Variants in ADAM23 observed in about 807,000 individuals in gnomAD.
The protein encoded by ADAM23 is disintegrin and metalloproteinase domain-containing protein 23.
A neutral mutation model predicts 120.1 loss-of-function variants in ADAM23; 33 were observed. That is an observed-to-expected ratio of 0.27 (90% CI 0.21 to 0.37). The LOEUF is 0.37. Ranked by LOEUF, ADAM23 falls within the 10% of genes least tolerant of loss-of-function variation. The probability of loss-of-function intolerance (pLI) is 1.00; values close to 1 mark genes in which losing one functional copy is unlikely to be tolerated. For missense variants in ADAM23, 862 were observed against 1,058.2 expected (o/e 0.81, Z 2.57); for synonymous variants, 367 against 375.2 (o/e 0.98, Z 0.25).
chr2:206,443,904 T>A lies in ADAM23; in HGVS notation c.38T>A (p.Leu13Gln). The A allele has an allele frequency of 8.4e-7, 1 of 1,193,538 alleles. No individual in the cohort carries two copies. The highest frequency in any genetic ancestry group is 1.6e-5 in the African/African-American group (1 of 62,310). 73.9% of individuals were successfully genotyped at this position (1,193,538 alleles called of 1,614,324 possible). The change falls in exon 1 of 26, where the codon CTG (leucine) becomes CAG (glutamine). Residue 13 changes from leucine (L) to glutamine (Q), a missense_variant. Leu to Gln is a moderately radical substitution (Grantham distance 113, BLOSUM62 -2). Around this residue, in one of 4 missense-constraint regions of ADAM23, gnomAD observed 225 missense variants for 204.0 expected, o/e 1.10. Coordinates refer to ENST00000264377, the MANE Select transcript of ADAM23 (RefSeq NM_003812.4). ...PPGSSSRQPPLAGCSLAGASC... is the reference protein window; with the variant it reads ...PPGSSSRQPPQAGCSLAGASC... ...GGCAGCAGCTCGCGGCAGCCGCCCC[T>A]GGCGGGCTGCAGCCTTGCCGGCGCT...
intron 21 of ADAM23, among the ~76,000 whole-genome samples, chr2:206,591,450 G>T (rs1273814092): frequency 6.6e-6 from 1 of 152,116 alleles, no homozygotes; most frequent in Non-Finnish European, 1.5e-5. Flanking sequence ...GTTTTCTGTG[G>T]TGTGTATAGC....
Position 206,552,598 on chromosome 2 carries a change from G to A in ADAM23, c.933+2438G>A, listed in dbSNP as rs186894678. ...TTCTGTGATAGAGTTCCTTATTTAG[G>A]CTATCAAATCTTTTAAGGGTAAATT... On this transcript the variant is annotated intron_variant, in intron 9 of 25. Transcript: ENST00000264377. Among the ~76,000 whole-genome samples, 74 of 151,868 alleles carry A rather than the reference G, an allele frequency of 4.9e-4. 2 individuals carry two copies. Among genetic ancestry groups the A allele is most frequent in the Middle Eastern group, 3.4e-3 (1 of 294 alleles).
At chr2:206,565,912 C>T (rs1395852340) in intron 14 of ADAM23, among the ~76,000 whole-genome samples, 1 of 152,132 alleles carries the variant, frequency 6.6e-6, no homozygotes, top group Non-Finnish European at 1.5e-5. Context: ...AGTCCAACTC[C>T]TGGGGAGGAG....
At chr2:206,534,814 T>G (rs1234201081) in intron 4 of ADAM23, among the ~76,000 whole-genome samples, 1 of 152,138 alleles carries the variant, frequency 6.6e-6, no homozygotes, top group African/African-American at 2.4e-5. Flanking sequence ...TTACTATCAT[T>G]ATTAGGTGGG....
intron 3 of ADAM23, among the ~76,000 whole-genome samples, chr2:206,529,105 T>C (rs16838306): frequency 0.18 from 27,736 of 152,080 alleles, 2,974 homozygotes; most frequent in African/African-American, 0.3. Context: ...AAAATAAAAA[T>C]AGTGACTGCC....
At chr2:206,532,754 T>C (rs1313030023) in intron 4 of ADAM23, among the ~76,000 whole-genome samples, 3 of 152,148 alleles carry the variant, frequency 2.0e-5, no homozygotes, top group Non-Finnish European at 2.9e-5. Context: ...TTTCATAATA[T>C]TATTTCTAAT....
At chr2:206,587,863 T>C (rs1211215820) in intron 19 of ADAM23, among the ~76,000 whole-genome samples, 1 of 152,248 alleles carries the variant, frequency 6.6e-6, no homozygotes, top group Non-Finnish European at 1.5e-5. Flanking sequence ...TTTCAAATTG[T>C]AGATGTTTAG....
intron 2 of ADAM23, among the ~76,000 whole-genome samples, chr2:206,472,124 A>G (rs1162375358): frequency 1.3e-5 from 2 of 152,196 alleles, no homozygotes; most frequent in Non-Finnish European, 2.9e-5. Context: ...TTGCTAAATA[A>G]TCACTAGGGA....
At chr2:206,500,790 G>C (rs1340518884) in intron 3 of ADAM23, among the ~76,000 whole-genome samples, 1 of 152,152 alleles carries the variant, frequency 6.6e-6, no homozygotes, top group African/African-American at 2.4e-5. Context: ...CACCGTTGAT[G>C]AATCACCCTC....
chr2:206,491,056 A>G (rs1574494546), intron 3 of ADAM23, among the ~76,000 whole-genome samples: 2 of 152,194 alleles, frequency 1.3e-5, no homozygotes, highest in South Asian at 4.1e-4. Context: ...ATCACAACCA[A>G]ACCATTGATA....
At chr2:206,536,163 A>G (rs953341631) in intron 4 of ADAM23, among the ~76,000 whole-genome samples, 4 of 152,146 alleles carry the variant, frequency 2.6e-5, no homozygotes, top group African/African-American at 7.2e-5. Flanking sequence ...AGGTCTACCC[A>G]TATTTGGCAA....
chr2:206,456,293 A>G (rs548884055), intron 2 of ADAM23, among the ~76,000 whole-genome samples: 4 of 152,110 alleles, frequency 2.6e-5, no homozygotes, highest in Admixed American at 6.5e-5. Flanking sequence ...ATCAGCTCTC[A>G]TGAGAACTCA....
chr2:206,562,356 G>T, intron 13 of ADAM23, 63 bp downstream of exon 13: 2 of 1,149,764 alleles, frequency 1.7e-6, no homozygotes, highest in Non-Finnish European at 1.3e-6. Context: ...TGCATGTCCA[G>T]TCAATAAATA....
chr2:206,461,063 C>CTTTT (rs565925215), intron 2 of ADAM23, among the ~76,000 whole-genome samples: 8 of 137,078 alleles, frequency 5.8e-5, no homozygotes, highest in Non-Finnish European at 7.9e-5. Context: ...TTTTCTTCTT[C>CTTTT]TTTTTTTTTT....
At position 206,504,203 on chromosome 2, in the gene ADAM23, AT is replaced by A. The variant is rs3836085; in HGVS notation, c.509+22902del. Among the ~76,000 whole-genome samples, 31 of 152,218 alleles carry A rather than the reference AT, an allele frequency of 2.0e-4. No homozygotes were observed. The South Asian group carries it at 5.6e-3, about 27-fold the overall frequency. On this transcript the variant is annotated intron_variant, in intron 3 of 25. Coordinates refer to ENST00000264377, the MANE Select transcript of ADAM23 (RefSeq NM_003812.4). ...AAATCCTCTATAATATGTTAAATAC[AT>A]TTTTTTGATAGAATGTATTAGATGT...
chr2:206,544,483 G>A (rs1697354637), intron 6 of ADAM23, among the ~76,000 whole-genome samples: 1 of 152,166 alleles, frequency 6.6e-6, no homozygotes, highest in African/African-American at 2.4e-5. Flanking sequence ...GACAGAGATT[G>A]AGCCAAATGG....
At chr2:206,594,204 A>G (rs1247663330) in intron 22 of ADAM23, among the ~76,000 whole-genome samples, 9 of 151,406 alleles carry the variant, frequency 5.9e-5, no homozygotes, top group Non-Finnish European at 1.5e-5. Flanking sequence ...AATTCTTAGA[A>G]TATTATCCCC....
At chr2:206,508,887 G>A (rs1696562557) in intron 3 of ADAM23, among the ~76,000 whole-genome samples, 1 of 152,116 alleles carries the variant, frequency 6.6e-6, no homozygotes, top group Admixed American at 6.5e-5. Context: ...ATAACTCTAT[G>A]AATAATTTTC....
chr2:206,486,701 C>G (rs1696020236), intron 3 of ADAM23, among the ~76,000 whole-genome samples: 1 of 152,030 alleles, frequency 6.6e-6, no homozygotes, highest in South Asian at 2.1e-4. Flanking sequence ...TTTCCTCCTC[C>G]TCCTCCTTCT....
Sources: gnomAD v4.1 joint callset for allele counts (sites outside exome capture counted in the v4.1 genomes callset) on GRCh38, gnomAD v4.1.1 for gene constraint, gnomAD v4.1.1 regional missense constraint, MANE v1.5 for transcripts, NCBI Gene and HGNC (gene_info 2026-07-23, HGNC 2026-07-21) for gene names.